The following AUTS2 variants were observed in gnomAD, a reference collection of about 807,000 sequenced individuals.
AUTS2 encodes the protein activator of transcription and developmental regulator AUTS2, also known as autism susceptibility gene 2 protein.
AUTS2 carries 17 observed loss-of-function variants against 112.4 expected under a neutral mutation model. The ratio of observed to expected loss-of-function variants is 0.15; its 90% CI spans 0.10 to 0.23. The LOEUF is 0.23. Among genes scored for constraint, AUTS2 ranks in the 10% least tolerant of loss-of-function variants. AUTS2 has a pLI of 1.00. For synonymous variants in AUTS2, 751 were observed against 702.7 expected (o/e 1.07, Z -1.09); for missense variants, 1,510 against 1,701.6 (o/e 0.89, Z 1.98).
intron 1 of AUTS2, among the ~76,000 whole-genome samples, chr7:69,876,458 TTA>T (rs1365777407): frequency 1.0e-4 from 11 of 110,276 alleles, no homozygotes; most frequent in East Asian, 5.6e-4. Flanking sequence ...ATAAAATACA[TTA>T]TATATATACA....
chr7:70,492,352 G>A lies in AUTS2; in HGVS notation c.690+56571G>A, dbSNP rs796882240. Among the ~76,000 whole-genome samples the A allele has an allele frequency of 1.6e-4, 25 of 152,274 alleles. 1 individual carries two copies. The highest frequency in any genetic ancestry group is 5.8e-4 in the African/African-American group (24 of 41,550). ...TGTTCATGTTGACACTGATGCTGGC[G>A]AGAGGGGAGTATCTTGAAAGGGCAG... On this transcript the variant is annotated intron_variant, in intron 5 of 18. Coordinates refer to ENST00000342771, the MANE Select transcript of AUTS2 (RefSeq NM_015570.4).
intron 2 of AUTS2, among the ~76,000 whole-genome samples, chr7:70,117,131 TTTTTTG>T (rs1171484048): frequency 4.5e-4 from 45 of 100,632 alleles, no homozygotes; most frequent in African/African-American, 9.9e-4. Context: ...TTTTTTGTTT[TTTTTTG>T]TTTTTTTTTT....
intron 7 of AUTS2, among the ~76,000 whole-genome samples, chr7:70,763,796 G>C (rs1230213263): frequency 6.6e-6 from 1 of 152,156 alleles, no homozygotes; most frequent in Non-Finnish European, 1.5e-5. Flanking sequence ...GGGACCTGAT[G>C]AGTATTCCAG....
intron 5 of AUTS2, among the ~76,000 whole-genome samples, chr7:70,594,371 C>T (rs1334699551): frequency 6.6e-6 from 1 of 152,150 alleles, no homozygotes; most frequent in Non-Finnish European, 1.5e-5. Flanking sequence ...TACAGTGGCT[C>T]AGGGATGGGC....
At chr7:69,989,071 A>C (rs1007505313) in intron 2 of AUTS2, among the ~76,000 whole-genome samples, 1 of 152,228 alleles carries the variant, frequency 6.6e-6, no homozygotes, top group Non-Finnish European at 1.5e-5. Flanking sequence ...ACTTTGGAAT[A>C]AATGGCATGG....
chr7:70,205,990 G>T (rs1378983222), intron 4 of AUTS2, among the ~76,000 whole-genome samples: 1 of 152,190 alleles, frequency 6.6e-6, no homozygotes, highest in Non-Finnish European at 1.5e-5. Flanking sequence ...CAGAATTATA[G>T]AGGATTAGAT....
rs149192549 is a variant in AUTS2 at position 70,785,964 on chromosome 7, A to G, written c.2234A>G (p.Asn745Ser). 4 of 1,613,844 alleles carry G rather than the reference A, an allele frequency of 2.5e-6. No individual in the cohort carries two copies. Among genetic ancestry groups the G allele is most frequent in the Non-Finnish European group, 3.4e-6 (4 of 1,179,984 alleles). The change falls in exon 17 of 19, where the codon AAT (asparagine) becomes AGT (serine). Residue 745 changes from asparagine (N) to serine (S), a missense_variant. By Grantham distance (46) the Asn-to-Ser change is conservative. Around this residue, in one of 3 missense-constraint regions of AUTS2, gnomAD observed 788 missense variants for 797.6 expected, o/e 0.99. Coordinates refer to ENST00000342771, the MANE Select transcript of AUTS2 (RefSeq NM_015570.4). The part of the protein sequence containing the change: ...LNPAAHLEPF[N>S]RPSTFTGLAA... ...CCCATCTTGTTTGCAGAGCCTTTTAATCGGCCGTCTACATTCACAGGCCTA... is the reference window on the plus strand; with the variant it reads ...CCCATCTTGTTTGCAGAGCCTTTTAGTCGGCCGTCTACATTCACAGGCCTA...
chr7:70,213,408 C>T (rs1584884804), intron 4 of AUTS2, among the ~76,000 whole-genome samples: 1 of 149,914 alleles, frequency 6.7e-6, no homozygotes. Flanking sequence ...TGCCTGTAGT[C>T]CCAACTACTG....
At chr7:70,435,275 T>C (rs990730335) in intron 4 of AUTS2, among the ~76,000 whole-genome samples, 1 of 152,208 alleles carries the variant, frequency 6.6e-6, no homozygotes, top group Non-Finnish European at 1.5e-5. Context: ...CGCCCAGAGG[T>C]TTACCTCTTT....
rs758313517 is a variant in AUTS2, at chr7:70,789,995, C to T, written c.2779C>T (p.Arg927Cys). ...GAAGGACGGGCACGGCCACGAGGGG[C>T]GCGCCGCGGGCGAAGAGGCCAAGCA... ...PEKDGHGHEG[R>C]AAGEEAKQLA... is the part of the protein sequence containing the mutation. The change falls in exon 19 of 19, where the codon CGC (arginine) becomes TGC (cysteine). Residue 927 changes from arginine to cysteine, a missense_variant. Physicochemically the swap from Arg to Cys is radical, Grantham distance 180. Coordinates refer to ENST00000342771, the MANE Select transcript of AUTS2 (RefSeq NM_015570.4). 8.7e-6 allele frequency: 14 copies of T among 1,604,440 alleles called. No homozygotes were observed. The highest frequency in any genetic ancestry group is 1.1e-5 in the South Asian group (1 of 90,138).
chr7:70,133,707 AT>A (rs1214980914), intron 3 of AUTS2, among the ~76,000 whole-genome samples: 82 of 152,324 alleles, frequency 5.4e-4, no homozygotes, highest in African/African-American at 1.9e-3. Flanking sequence ...GATGCTAAAA[AT>A]TAAATAATTT....
chr7:70,556,826 G>A lies in AUTS2; in HGVS notation c.690+121045G>A, dbSNP rs1038917811. Among the ~76,000 whole-genome samples, 3 of 152,124 alleles carry A rather than the reference G, an allele frequency of 2.0e-5. No individual in the cohort carries two copies. The East Asian group carries it at 5.8e-4, about 29-fold the overall frequency. Reference sequence around the variant, plus strand: ...AGATACCTTGATGTAATTATCTCAAGCTGCATACTAGTGCCTCAAACTGCT... The same window carrying A: ...AGATACCTTGATGTAATTATCTCAAACTGCATACTAGTGCCTCAAACTGCT... On this transcript the variant is annotated intron_variant, in intron 5 of 18. Transcript: ENST00000342771.
At chr7:70,399,555 C>T (rs1005048949) in intron 4 of AUTS2, among the ~76,000 whole-genome samples, 1 of 152,132 alleles carries the variant, frequency 6.6e-6, no homozygotes, top group South Asian at 2.1e-4. Flanking sequence ...TTTTGTTTTG[C>T]CAGTCTTTTA....
At chr7:69,636,126 T>A (rs962871741) in intron 1 of AUTS2, among the ~76,000 whole-genome samples, 4 of 152,250 alleles carry the variant, frequency 2.6e-5, no homozygotes, top group South Asian at 2.1e-4. Flanking sequence ...GTGTGCTTAT[T>A]TTATTTTTCT....
intron 2 of AUTS2, among the ~76,000 whole-genome samples, chr7:69,949,162 A>C (rs1177313425): frequency 6.6e-6 from 1 of 152,204 alleles, no homozygotes; most frequent in Non-Finnish European, 1.5e-5. Flanking sequence ...CTTATCTACC[A>C]TTAGAACATC....
chr7:70,112,521 T>C (rs1230102307), intron 2 of AUTS2, among the ~76,000 whole-genome samples: 1 of 152,032 alleles, frequency 6.6e-6, no homozygotes, highest in African/African-American at 2.4e-5. Context: ...TGTTCCTTGA[T>C]TAGTAGAATG....
chr7:69,607,808 T>C (rs1181874160), intron 1 of AUTS2, among the ~76,000 whole-genome samples: 3 of 152,190 alleles, frequency 2.0e-5, no homozygotes, highest in African/African-American at 7.2e-5. Flanking sequence ...CTAATGCAAG[T>C]TGGGATTCAT....
intron 4 of AUTS2, among the ~76,000 whole-genome samples, chr7:70,161,878 T>A (rs937756239): frequency 2.0e-5 from 3 of 152,140 alleles, no homozygotes; most frequent in Non-Finnish European, 4.4e-5. Context: ...AGGGGCAGTA[T>A]TTCCTGTCAA....
In AUTS2 at chr7:70,435,917, T is replaced by G; in HGVS notation, c.690+136T>G. ...TTCTCTTTAGGAAAGATGGGCATTA[T>G]TCACACAGTGACATTTCCTATGCTA... On this transcript the variant is annotated intron_variant, in intron 5 of 18. Coordinates refer to ENST00000342771, the MANE Select transcript of AUTS2 (RefSeq NM_015570.4). 3.4e-6 allele frequency: 3 copies of G among 873,596 alleles called. No individual in the cohort carries two copies. The South Asian group carries it at 5.3e-5, about 16-fold the overall frequency. 54.1% of individuals were successfully genotyped at this position (873,596 alleles called of 1,614,324 possible). A position where few individuals can be genotyped will look rare whatever the true frequency, so the allele number is the denominator to read the frequency against.
Sources: allele counts gnomAD v4.1 joint callset (sites outside exome capture counted in the v4.1 genomes callset), GRCh38; gene constraint gnomAD v4.1.1; regional missense constraint gnomAD v4.1.1; transcripts MANE v1.5; gene names NCBI Gene and HGNC (gene_info 2026-07-23, HGNC 2026-07-21).